The following GALNT9 variants were observed in gnomAD, a reference collection of about 807,000 sequenced individuals.
The protein encoded by GALNT9 is polypeptide N-acetylgalactosaminyltransferase 9.
A neutral mutation model predicts 63.1 loss-of-function variants in GALNT9; 47 were observed. That is an observed-to-expected ratio of 0.75 (90% CI 0.59 to 0.95). The LOEUF (loss-of-function observed/expected upper bound fraction) is 0.95. GALNT9 is among the 40% of genes least tolerant of loss of function. The pLI is 0.00. For missense variants in GALNT9, 829 were observed against 874.8 expected, an observed-to-expected ratio of 0.95 and a Z score of 0.66; for synonymous variants, 396 against 365.7, an observed-to-expected ratio of 1.08 and a Z score of -0.94.
chr12:132,248,544 C>T (rs1359141068), intron 5 of GALNT9, among the ~76,000 whole-genome samples: 1 of 152,238 alleles, frequency 6.6e-6, no homozygotes, highest in Admixed American at 6.5e-5. Context: ...TTCCCAAGTT[C>T]GAGTGAGTCA....
chr12:132,240,563 G>C (rs2136898654), intron 6 of GALNT9: 5 of 449,682 alleles, frequency 1.1e-5, no homozygotes, highest in South Asian at 7.9e-5. Context: ...TCAGCTGTGG[G>C]CTCCGTGCGT....
rs2136897247 is a variant in GALNT9, at chr12:132,239,633, G to A, written c.1077+8277C>T. Among the ~76,000 whole-genome samples the A allele has an allele frequency of 2.1e-3, 177 of 86,238 alleles. 1 individual carries two copies. The highest frequency in any genetic ancestry group is 9.6e-3 in the African/African-American group (174 of 18,092). 56.6% of individuals were successfully genotyped at this position (86,238 alleles called of 152,430 possible). The stretch of plus-strand genomic sequence containing the variant: ...ACACTGAGAGACTGAGAGACAGAGA[G>A]ACAGAGTCAGAGACAGAGTCAGAGA... On this transcript the variant is annotated intron_variant, in intron 6 of 10. Coordinates refer to ENST00000328957, the MANE Select transcript of GALNT9 (RefSeq NM_001122636.2).
intron 1 of GALNT9, among the ~76,000 whole-genome samples, chr12:132,288,414 C>G (rs1368500716): frequency 6.6e-6 from 1 of 152,248 alleles, no homozygotes; most frequent in Admixed American, 6.5e-5. Flanking sequence ...GAGATAAATA[C>G]GTAATCATGC....
intron 2 of GALNT9, among the ~76,000 whole-genome samples, chr12:132,268,663 G>T (rs2135549533): frequency 6.6e-6 from 1 of 152,378 alleles, no homozygotes; most frequent in South Asian, 2.1e-4. Flanking sequence ...TAAAGGACTT[G>T]TATCCAGAAG....
intron 1 of GALNT9, among the ~76,000 whole-genome samples, chr12:132,320,728 G>GC (rs1164982445): frequency 1.2e-5 from 1 of 84,218 alleles, no homozygotes; most frequent in African/African-American, 4.7e-5. Flanking sequence ...CAAGGCCTCC[G>GC]CCCCCACCAG....
Position 132,238,031 on chromosome 12 carries a change from ACT to A in GALNT9, c.1077+9877_1077+9878del, listed in dbSNP as rs1878067733. ...CCAGCAGACGGGGAGCCAGGCAAGG[ACT>A]CTGCAGTGGGTGAGCCAAGGTCAGG... On this transcript the variant is annotated intron_variant, in intron 6 of 10. Coordinates refer to ENST00000328957, the MANE Select transcript of GALNT9 (RefSeq NM_001122636.2). This position sits in a 1 kb window ranked among gnomAD's most constrained non-coding sequence, Gnocchi z 6.5. Among the ~76,000 whole-genome samples the A allele has an allele frequency of 6.6e-6, 1 of 152,086 alleles. No homozygotes were observed.
chr12:132,264,954 C>G (rs1482196012), intron 2 of GALNT9, among the ~76,000 whole-genome samples: 1 of 152,190 alleles, frequency 6.6e-6, no homozygotes, highest in African/African-American at 2.4e-5. Context: ...CAATGAGGAT[C>G]CCAACCGCGT....
At chr12:132,204,402 G>C (rs548448238) in intron 6 of GALNT9, among the ~76,000 whole-genome samples, 2 of 152,110 alleles carry the variant, frequency 1.3e-5, no homozygotes, top group African/African-American at 4.8e-5. Flanking sequence ...TTGCTCTCCC[G>C]ATTCTGGGTG....
chr12:132,251,483 G>A (rs1348045035), intron 5 of GALNT9, among the ~76,000 whole-genome samples: 1 of 152,190 alleles, frequency 6.6e-6, no homozygotes, highest in Non-Finnish European at 1.5e-5. Flanking sequence ...ATGGGGTTGG[G>A]GTCGCTGACT....
chr12:132,303,184 C>CCA (rs1555244013), intron 1 of GALNT9, among the ~76,000 whole-genome samples: 1 of 152,036 alleles, frequency 6.6e-6, no homozygotes, highest in Non-Finnish European at 1.5e-5. Context: ...GTCAGACCCT[C>CCA]CACCGCCGGG....
chr12:132,313,758 C>A, intron 1 of GALNT9, among the ~76,000 whole-genome samples: 1 of 144,808 alleles, frequency 6.9e-6, no homozygotes, highest in Non-Finnish European at 1.5e-5. Flanking sequence ...ATCCATCCAC[C>A]CATCCACCCA....
chr12:132,247,910 C>A lies in GALNT9; in HGVS notation c.1077G>T (p.Arg359Ser), dbSNP rs200433244. 7 of 1,551,300 alleles carry A rather than the reference C, an allele frequency of 4.5e-6. No individual in the cohort carries two copies. The highest frequency in any genetic ancestry group is 6.1e-6 in the Non-Finnish European group (7 of 1,146,996). ...YGGENVELGMRVWQCGGSMEV... is the reference protein window; with the variant it reads ...YGGENVELGMSVWQCGGSMEV... ...CCCTGGACACCGGGGCCGCACTCAC[C>A]CTCATGCCCAGTTCTACGTTCTCGC... Residue 359 changes from arginine (R) to serine (S), a missense_variant and splice_region_variant, in exon 6 of 11, where the codon AGG becomes AGT. Arg to Ser is a moderately radical substitution (Grantham distance 110). Transcript: ENST00000328957.
intron 6 of GALNT9, among the ~76,000 whole-genome samples, chr12:132,216,073 C>T (rs73166861): frequency 0.035 from 5,312 of 151,910 alleles, 296 homozygotes; most frequent in African/African-American, 0.12. Context: ...CATAGAGAGA[C>T]GTAGACAGAG....
intron 6 of GALNT9, among the ~76,000 whole-genome samples, chr12:132,204,615 C>CG (rs1876513446): frequency 6.6e-6 from 1 of 152,200 alleles, no homozygotes; most frequent in Admixed American, 6.5e-5. Flanking sequence ...TCGGTACCCT[C>CG]AGCCCCCGTA....
At chr12:132,308,845 G>A (rs1201671139) in intron 1 of GALNT9, among the ~76,000 whole-genome samples, 1 of 152,030 alleles carries the variant, frequency 6.6e-6, no homozygotes, top group East Asian at 1.9e-4. Flanking sequence ...CGGGGCTCGG[G>A]ATGGCCGCAC....
intron 6 of GALNT9, among the ~76,000 whole-genome samples, chr12:132,243,883 C>G (rs1185201961): frequency 2.0e-5 from 3 of 152,188 alleles, no homozygotes; most frequent in Non-Finnish European, 2.9e-5. Flanking sequence ...CTCTTGCCAG[C>G]TTTGCATCCT....
intron 6 of GALNT9, among the ~76,000 whole-genome samples, chr12:132,237,317 C>T (rs2136895338): frequency 5.2e-4 from 79 of 152,254 alleles, no homozygotes; most frequent in African/African-American, 1.9e-3. Flanking sequence ...TTCACAGCTG[C>T]TCACACCTGC....
intron 1 of GALNT9, among the ~76,000 whole-genome samples, chr12:132,320,940 G>A (rs1408208199): frequency 6.6e-6 from 1 of 152,184 alleles, no homozygotes; most frequent in African/African-American, 2.4e-5. Flanking sequence ...GCCCACAGTC[G>A]TGCAGCTGAG....
At chr12:132,215,161 G>T (rs868285243) in intron 6 of GALNT9, among the ~76,000 whole-genome samples, 6 of 152,208 alleles carry the variant, frequency 3.9e-5, no homozygotes, top group African/African-American at 1.2e-4. Context: ...GTGGCTTTGT[G>T]GCCGCTTCGG....
Sources: allele counts gnomAD v4.1 joint callset (sites outside exome capture counted in the v4.1 genomes callset), GRCh38; gene constraint gnomAD v4.1.1; non-coding constraint Gnocchi (gnomAD v3.1); transcripts MANE v1.5; gene names NCBI Gene and HGNC (gene_info 2026-07-23, HGNC 2026-07-21).